Variants in UNC5C observed in about 807,000 individuals in gnomAD.
The protein encoded by UNC5C is unc-5 netrin receptor C.
Under a neutral mutation model 99.8 loss-of-function variants are expected in UNC5C, and 47 were observed. That is an observed-to-expected ratio of 0.47 (90% confidence interval 0.37 to 0.60). UNC5C has a LOEUF of 0.60. UNC5C is among the 20% of genes least tolerant of loss of function. The pLI is 0.00. For synonymous variants in UNC5C, 487 were observed against 452.2 expected, an observed-to-expected ratio of 1.08 and a Z score of -0.98; for missense variants, 1,062 against 1,165.9, an observed-to-expected ratio of 0.91 and a Z score of 1.30.
chr4:95,242,504 G>A lies in UNC5C; in HGVS notation c.1033C>T (p.Pro345Ser). Residue 345 changes from proline to serine, a missense_variant, in exon 7 of 16, where the codon CCC (proline) becomes TCC (serine). Coordinates refer to ENST00000453304, the MANE Select transcript of UNC5C (RefSeq NM_003728.4). The stretch of plus-strand genomic sequence containing the variant: ...TCGCAGTCCTTGCCTCCATTCTTGG[G>A]GGCTGGCGCCGTGCACTCCCTCCTG... Reference protein sequence around the residue: ...WRRRECTAPAPKNGGKDCDGL... With the variant: ...WRRRECTAPASKNGGKDCDGL... 1 of 1,613,656 alleles carries A rather than the reference G, an allele frequency of 6.2e-7. No homozygotes were observed. Among genetic ancestry groups the A allele is most frequent in the East Asian group, 2.2e-5 (1 of 44,826 alleles).
intron 1 of UNC5C, among the ~76,000 whole-genome samples, chr4:95,377,576 T>G (rs4699264): frequency 2.0e-5 from 3 of 152,000 alleles, no homozygotes; most frequent in African/African-American, 7.2e-5. Context: ...GGCAAGTATC[T>G]CTGTGTTCCC....
rs530182436 is a variant in UNC5C, at chr4:95,491,526, T to C, written c.124+57208A>G. ...ATTCTGCTTACTGTGCAGTTAGTTG[T>C]TACTTGGAGAGGAATCCACTGGACA... On this transcript the variant is annotated intron_variant, in intron 1 of 15. Transcript: ENST00000453304. 2.6e-5 allele frequency among the ~76,000 whole-genome samples: 4 copies of C among 151,722 alleles called. No homozygotes were observed. In the South Asian group the frequency reaches 8.3e-4, roughly 31 times the overall value.
At chr4:95,463,114 G>A (rs1747655478) in intron 1 of UNC5C, among the ~76,000 whole-genome samples, 1 of 152,184 alleles carries the variant, frequency 6.6e-6, no homozygotes. Flanking sequence ...TCATGTTGGA[G>A]AAAAACCAGG....
At chr4:95,360,921 A>G (rs776449554) in intron 1 of UNC5C, among the ~76,000 whole-genome samples, 2 of 152,218 alleles carry the variant, frequency 1.3e-5, no homozygotes, top group Non-Finnish European at 2.9e-5. Flanking sequence ...AAACGTACTC[A>G]TGTCTAGAAA....
chr4:95,310,946 C>A (rs1313592676), intron 2 of UNC5C, among the ~76,000 whole-genome samples: 3 of 152,132 alleles, frequency 2.0e-5, no homozygotes, highest in Non-Finnish European at 4.4e-5. Flanking sequence ...GCAATCATAA[C>A]ACAGTTTTCC....
chr4:95,322,471 G>T (rs772329072), intron 2 of UNC5C, among the ~76,000 whole-genome samples: 10 of 151,940 alleles, frequency 6.6e-5, no homozygotes, highest in Non-Finnish European at 1.0e-4. Flanking sequence ...CTACAGAAAA[G>T]AAAAAGCTTT....
At chr4:95,336,837 CT>C (rs753950699) in intron 1 of UNC5C, among the ~76,000 whole-genome samples, 1 of 151,896 alleles carries the variant, frequency 6.6e-6, no homozygotes, top group Non-Finnish European at 1.5e-5. Context: ...CTCACTTTAC[CT>C]CCTTAATTTG....
At chr4:95,239,250 A>G (rs1739239611) in intron 7 of UNC5C, among the ~76,000 whole-genome samples, 1 of 152,212 alleles carries the variant, frequency 6.6e-6, no homozygotes, top group Admixed American at 6.5e-5. Context: ...TTTTGCTTCT[A>G]GCACTGTATC....
intron 1 of UNC5C, among the ~76,000 whole-genome samples, chr4:95,410,933 G>A (rs1435715594): frequency 6.6e-6 from 1 of 152,132 alleles, no homozygotes; most frequent in African/African-American, 2.4e-5. Flanking sequence ...CTAATGGTTT[G>A]GAGGGCAGAG....
chr4:95,397,105 A>C (rs1310226104), intron 1 of UNC5C, among the ~76,000 whole-genome samples: 2 of 152,224 alleles, frequency 1.3e-5, no homozygotes, highest in African/African-American at 4.8e-5. Context: ...TCTGGGTGCC[A>C]AAGGAAGAGT....
chr4:95,394,674 T>C (rs1437939034), intron 1 of UNC5C, among the ~76,000 whole-genome samples: 2 of 151,970 alleles, frequency 1.3e-5, no homozygotes, highest in Non-Finnish European at 2.9e-5. Context: ...TGTGTGTGTG[T>C]GCTTTTCTCA....
At chr4:95,533,555 C>T (rs1722706913) in intron 1 of UNC5C, among the ~76,000 whole-genome samples, 1 of 151,630 alleles carries the variant, frequency 6.6e-6, no homozygotes, top group African/African-American at 2.4e-5. Context: ...TTTTTGTGAA[C>T]ATGTAAATAT....
At chr4:95,240,381 A>T (rs1739285643) in intron 7 of UNC5C, among the ~76,000 whole-genome samples, 2 of 152,244 alleles carry the variant, frequency 1.3e-5, no homozygotes, top group Non-Finnish European at 2.9e-5. Flanking sequence ...AAAATACTGT[A>T]ATTACACAGT....
intron 1 of UNC5C, among the ~76,000 whole-genome samples, chr4:95,356,395 C>T (rs1744206400): frequency 2.0e-5 from 3 of 151,872 alleles, no homozygotes; most frequent in Non-Finnish European, 4.4e-5. Context: ...TATCACTTAC[C>T]AAAATTTGTT....
At chr4:95,261,727 G>A (rs1362371952) in intron 4 of UNC5C, among the ~76,000 whole-genome samples, 3 of 141,546 alleles carry the variant, frequency 2.1e-5, no homozygotes, top group South Asian at 2.3e-4. Context: ...TTTTTGAAAC[G>A]GTGTCTCGCT....
intron 1 of UNC5C, among the ~76,000 whole-genome samples, chr4:95,361,933 G>A (rs998325172): frequency 5.3e-5 from 8 of 150,914 alleles, no homozygotes; most frequent in African/African-American, 1.2e-4. Flanking sequence ...GCTACGTGAC[G>A]TATATATATA....
intron 1 of UNC5C, among the ~76,000 whole-genome samples, chr4:95,537,120 G>T (rs1722800851): frequency 6.6e-6 from 1 of 151,216 alleles, no homozygotes; most frequent in African/African-American, 2.4e-5. Flanking sequence ...TTATGTGAGA[G>T]TTTTTTTTTA....
chr4:95,423,768 A>G (rs1301818168), intron 1 of UNC5C, among the ~76,000 whole-genome samples: 3 of 152,210 alleles, frequency 2.0e-5, no homozygotes, highest in Non-Finnish European at 4.4e-5. Context: ...TCCTGCACAC[A>G]TGACAGAAAA....
chr4:95,442,506 C>A (rs570052889), intron 1 of UNC5C, among the ~76,000 whole-genome samples: 31 of 151,226 alleles, frequency 2.0e-4, no homozygotes, highest in Admixed American at 1.9e-3. Context: ...TCAAGCCCGC[C>A]TGTTTTTTAG....
Sources: allele counts gnomAD v4.1 joint callset (sites outside exome capture counted in the v4.1 genomes callset), GRCh38; gene constraint gnomAD v4.1.1; transcripts MANE v1.5; gene names NCBI Gene and HGNC (gene_info 2026-07-23, HGNC 2026-07-21).